FRMD4A: variants seen among roughly 807,000 people sequenced by gnomAD.
FRMD4A encodes FERM domain containing 4A, also known as FERM domain-containing protein 4A.
FRMD4A carries 29 observed loss-of-function variants against 129.1 expected under a neutral mutation model. That is an observed-to-expected ratio of 0.22 (90% CI 0.17 to 0.31). The LOEUF (loss-of-function observed/expected upper bound fraction) is 0.31. FRMD4A is among the 10% of genes least tolerant of loss of function. FRMD4A has a pLI of 1.00. For synonymous variants in FRMD4A, 634 were observed against 571.6 expected (o/e 1.11, Z -1.56); for missense variants, 1,272 against 1,375.8 (o/e 0.92, Z 1.19).
chr10:13,706,723 C>T (rs1399633774), intron 13 of FRMD4A, among the ~76,000 whole-genome samples: 1 of 148,180 alleles, frequency 6.7e-6, no homozygotes, highest in Non-Finnish European at 1.5e-5. Context: ...TCCAGTGCCC[C>T]GGCAGGTAAG....
At chr10:14,027,567 G>A (rs1053017146) in intron 2 of FRMD4A, among the ~76,000 whole-genome samples, 6 of 152,352 alleles carry the variant, frequency 3.9e-5, no homozygotes, top group African/African-American at 1.2e-4. Flanking sequence ...AGTGAGCCGA[G>A]ATGGCGCCAT....
At chr10:13,906,651 A>G (rs1310554291) in intron 2 of FRMD4A, among the ~76,000 whole-genome samples, 1 of 152,144 alleles carries the variant, frequency 6.6e-6, no homozygotes, top group East Asian at 1.9e-4. Context: ...TTTGAGCCTC[A>G]TAGGTAACTG....
At chr10:13,913,340 G>A (rs1009750314) in intron 2 of FRMD4A, among the ~76,000 whole-genome samples, 3 of 152,150 alleles carry the variant, frequency 2.0e-5, no homozygotes, top group Admixed American at 6.5e-5. Flanking sequence ...TTTTGGGGTG[G>A]TAAAGATGTT....
At chr10:13,654,238 C>T in intron 23 of FRMD4A, 178 bp downstream of exon 23, 1 of 622,182 alleles carries the variant, frequency 1.6e-6, no homozygotes, top group Non-Finnish European at 2.9e-6. Flanking sequence ...AAGGCACAGC[C>T]AGGAAAAGGA....
chr10:13,689,198 CGGGGG>C (rs61670615), intron 15 of FRMD4A, among the ~76,000 whole-genome samples: 16 of 68,056 alleles, frequency 2.4e-4, no homozygotes, highest in South Asian at 8.2e-4. Flanking sequence ...AAACTCTTTG[CGGGGG>C]GGGGGGGGGG....
chr10:13,792,149 G>GT (rs1341695893), intron 5 of FRMD4A, among the ~76,000 whole-genome samples: 2 of 152,178 alleles, frequency 1.3e-5, no homozygotes, highest in African/African-American at 4.8e-5. Context: ...GGGTTGGGTA[G>GT]TGCTGGAACC....
chr10:13,951,001 T>C (rs1465705137), intron 2 of FRMD4A, among the ~76,000 whole-genome samples: 1 of 152,156 alleles, frequency 6.6e-6, no homozygotes, highest in Non-Finnish European at 1.5e-5. Context: ...TGAGAATTCC[T>C]CTTTGGGTTT....
intron 2 of FRMD4A, among the ~76,000 whole-genome samples, chr10:14,043,441 C>G (rs1833863657): frequency 1.3e-5 from 2 of 152,298 alleles, no homozygotes; most frequent in South Asian, 4.1e-4. Context: ...CAATTTCACT[C>G]CCTGCCCACT....
intron 2 of FRMD4A, among the ~76,000 whole-genome samples, chr10:14,058,561 T>G (rs979718212): frequency 1.1e-4 from 17 of 152,202 alleles, no homozygotes; most frequent in Non-Finnish European, 1.2e-4. Flanking sequence ...TGACCACATT[T>G]CGTAAGAAGG....
At chr10:14,109,504 G>A (rs1359730) in intron 2 of FRMD4A, among the ~76,000 whole-genome samples, 97,407 of 151,964 alleles carry the variant, frequency 0.64, 31,337 homozygotes, top group East Asian at 0.78. Context: ...TGTCCCAATT[G>A]CTGTCATCCC....
intron 2 of FRMD4A, among the ~76,000 whole-genome samples, chr10:13,916,721 T>C (rs111719019): frequency 6.6e-6 from 1 of 152,334 alleles, no homozygotes; most frequent in African/African-American, 2.4e-5. Flanking sequence ...TTTTCTCTAG[T>C]GTCTCATGCC....
At chr10:13,898,467 C>A (rs1007176495) in intron 2 of FRMD4A, among the ~76,000 whole-genome samples, 1 of 152,086 alleles carries the variant, frequency 6.6e-6, no homozygotes, top group Non-Finnish European at 1.5e-5. Context: ...TCTTGCCATC[C>A]CAATGAATGA....
At chr10:13,667,719 G>A (rs561723848) in intron 17 of FRMD4A, 2 of 152,228 alleles carry the variant, frequency 1.3e-5, no homozygotes, top group Admixed American at 6.5e-5. Context: ...AAACCCCTCC[G>A]GATCAGAGCT....
At chr10:14,140,206 C>T (rs371714145) in intron 2 of FRMD4A, among the ~76,000 whole-genome samples, 12 of 152,066 alleles carry the variant, frequency 7.9e-5, no homozygotes, top group Admixed American at 2.0e-4. Context: ...GGACTACAGG[C>T]GCACACCACC....
At chr10:14,221,120 G>C (rs1239883142) in intron 2 of FRMD4A, among the ~76,000 whole-genome samples, 4 of 152,182 alleles carry the variant, frequency 2.6e-5, no homozygotes, top group African/African-American at 7.2e-5. Context: ...GACTTGGGAA[G>C]AGGAGAATCA....
chr10:14,031,630 G>A (rs1166395908), intron 2 of FRMD4A, among the ~76,000 whole-genome samples: 5 of 152,142 alleles, frequency 3.3e-5, no homozygotes, highest in Non-Finnish European at 5.9e-5. Flanking sequence ...CATGCCTTCC[G>A]GAGTTGTTTA....
intron 2 of FRMD4A, among the ~76,000 whole-genome samples, chr10:14,156,974 G>A (rs1840632211): frequency 6.6e-6 from 1 of 152,244 alleles, no homozygotes; most frequent in African/African-American, 2.4e-5. Context: ...GTTTAAAGCA[G>A]TCGCTTTTAT....
intron 2 of FRMD4A, among the ~76,000 whole-genome samples, chr10:14,040,579 C>T (rs11258817): frequency 0.14 from 20,571 of 152,188 alleles, 1,563 homozygotes; most frequent in African/African-American, 0.21. Flanking sequence ...GATAAAGGAA[C>T]AGGCCCCAGG....
At chr10:13,885,551 A>G (rs1483526135) in intron 2 of FRMD4A, among the ~76,000 whole-genome samples, 1 of 152,158 alleles carries the variant, frequency 6.6e-6, no homozygotes, top group African/African-American at 2.4e-5. Flanking sequence ...AATGATCTAG[A>G]TACCCCCTTT....
Sources: allele counts gnomAD v4.1 joint callset (sites outside exome capture counted in the v4.1 genomes callset), GRCh38; gene constraint gnomAD v4.1.1; transcripts MANE v1.5; gene names NCBI Gene and HGNC (gene_info 2026-07-23, HGNC 2026-07-21).